Variants in SUN1 observed in about 807,000 individuals in gnomAD.
The protein encoded by SUN1 is Sad1 and UNC84 domain containing 1.
Under a neutral mutation model 103.2 loss-of-function variants are expected in SUN1, and 61 were observed. The ratio of observed to expected loss-of-function variants is 0.59; its 90% confidence interval spans 0.48 to 0.73. The LOEUF (loss-of-function observed/expected upper bound fraction) is 0.73. Among genes scored for constraint, SUN1 ranks in the 30% least tolerant of loss-of-function variants. The pLI is 0.00. For synonymous variants in SUN1, 490 were observed against 425.7 expected (o/e 1.15, Z -1.86); for missense variants, 1,052 against 1,034.6 (o/e 1.02, Z -0.23).
upstream of SUN1, among the ~76,000 whole-genome samples, chr7:828,876 A>T (rs966028409): frequency 1.3e-5 from 2 of 152,222 alleles, no homozygotes; most frequent in African/African-American, 4.8e-5. Flanking sequence ...TGAGCCGGCC[A>T]GCCTGAGAAC....
At chr7:823,418 T>C (rs1461856066) in intron 1 of SUN1, among the ~76,000 whole-genome samples, 1 of 151,806 alleles carries the variant, frequency 6.6e-6, no homozygotes, top group African/African-American at 2.4e-5. Flanking sequence ...GAGTTTGGGG[T>C]GTAACTAGAC....
intron 1 of SUN1, among the ~76,000 whole-genome samples, 171 bp downstream of exon 1, chr7:832,772 G>A (rs978569979): frequency 6.6e-6 from 1 of 152,148 alleles, no homozygotes; most frequent in African/African-American, 2.4e-5. Context: ...TTTTCTTACG[G>A]CTTTAAGGTA....
chr7:854,487 G>T (rs1019041786), intron 10 of SUN1, among the ~76,000 whole-genome samples: 1 of 152,258 alleles, frequency 6.6e-6, no homozygotes, highest in Non-Finnish European at 1.5e-5. Flanking sequence ...TGAGTGGCTG[G>T]TGCTGCCCTG....
At chr7:837,292 G>A (rs529640844) in intron 1 of SUN1, among the ~76,000 whole-genome samples, 2 of 152,312 alleles carry the variant, frequency 1.3e-5, no homozygotes, top group African/African-American at 4.8e-5. Flanking sequence ...TCTGAGCAGC[G>A]GTCTGAAGCA....
At chr7:865,663 A>G (rs1212454662) in intron 15 of SUN1, among the ~76,000 whole-genome samples, 1 of 152,152 alleles carries the variant, frequency 6.6e-6, no homozygotes, top group Non-Finnish European at 1.5e-5. Context: ...GGGGACCTCC[A>G]AACCACTCTC....
intron 1 of SUN1, chr7:817,356 G>C: frequency 6.7e-7 from 1 of 1,488,572 alleles, no homozygotes; most frequent in African/African-American, 1.4e-5. Flanking sequence ...GCCTGGAGGC[G>C]CGCGCGTGGT....
Position 852,699 on chromosome 7 carries a change from G to A in SUN1, c.910+32G>A, listed in dbSNP as rs201212334. On this transcript the variant is annotated intron_variant, in intron 8 of 18. Transcript: ENST00000401592. ...CAAATCTGGCTGAGTTGCCTCCGAT[G>A]GCTAAGCGGTACACACATATGTGTA... 201 of 1,614,168 alleles carry A rather than the reference G, an allele frequency of 1.2e-4. 1 individual carries two copies. The African/African-American group carries it at 2.1e-3, about 17-fold the overall frequency.
chr7:869,758 T>C (rs1168764193), intron 17 of SUN1, among the ~76,000 whole-genome samples: 1 of 152,102 alleles, frequency 6.6e-6, no homozygotes, highest in Non-Finnish European at 1.5e-5. Flanking sequence ...CGCCTAAGAA[T>C]TTTGCTCCTC....
intron 1 of SUN1, among the ~76,000 whole-genome samples, chr7:824,246 C>T (rs116084135): frequency 1.5e-3 from 229 of 152,312 alleles, no homozygotes; most frequent in African/African-American, 5.2e-3. Context: ...AGATGTTTCA[C>T]GTCACTGATA....
chr7:848,299 A>T lies in SUN1; in HGVS notation c.659-3085A>T. The T allele has an allele frequency of 2.2e-6, 2 of 901,252 alleles. 1 individual carries two copies. Among genetic ancestry groups the T allele is most frequent in the East Asian group, 1.1e-4 (2 of 18,238 alleles). The allele number at this position is 901,252 out of a possible 1,614,324, so 55.8% of individuals were successfully genotyped here. On this transcript the variant is annotated intron_variant, in intron 5 of 18. Coordinates refer to ENST00000401592, the MANE Select transcript of SUN1 (RefSeq NM_001130965.3). The stretch of plus-strand genomic sequence containing the variant: ...TGCCAGCTGGGCTCTTCCCCAAGTG[A>T]TTATCTTTGGTGTCCATTCTAAAAG...
At position 843,489 on chromosome 7, in the gene SUN1, G is replaced by A. The variant is rs370251394; in HGVS notation, c.627G>A (p.Ser209=). ...ACCCCGCGGCCCCCGGGCCCGTGTC[G>A]AGAGTTTATTCTAGGGACAGGAATC... ...TAHPAAPGPV[S]RVYSRDRNQK... is the part of the protein sequence containing the mutation. The change falls in exon 5 of 19, where the codon TCG becomes TCA. Residue 209 remains serine (S), a synonymous_variant. Transcript: ENST00000401592. 2.2e-5 allele frequency: 36 copies of A among 1,613,944 alleles called. No individual in the cohort carries two copies. The highest frequency in any genetic ancestry group is 1.3e-4 in the South Asian group (12 of 91,088).
At chr7:821,946 C>G (rs1283502303) in intron 1 of SUN1, among the ~76,000 whole-genome samples, 1 of 152,188 alleles carries the variant, frequency 6.6e-6, no homozygotes, top group African/African-American at 2.4e-5. Context: ...GTTGCCCTGC[C>G]AGAGGGTTGC....
At chr7:835,753 G>T (rs1234002040) in intron 1 of SUN1, among the ~76,000 whole-genome samples, 1 of 152,184 alleles carries the variant, frequency 6.6e-6, no homozygotes, top group Non-Finnish European at 1.5e-5. Context: ...TGACCCACCC[G>T]CAGTAAAATC....
chr7:840,180 C>A (rs1300094328), intron 2 of SUN1, among the ~76,000 whole-genome samples: 1 of 152,214 alleles, frequency 6.6e-6, no homozygotes, highest in Admixed American at 6.5e-5. Context: ...ACAGCCACTC[C>A]CAGCCGGTGG....
At chr7:865,930 C>G in intron 15 of SUN1, 22 bp from the exon 16 acceptor site, 1 of 1,607,464 alleles carries the variant, frequency 6.2e-7, no homozygotes, top group African/African-American at 1.3e-5. Flanking sequence ...GACACTGAGA[C>G]CGATCTGAAC....
chr7:817,506 G>A (rs2128109360), intron 1 of SUN1: 1 of 1,536,022 alleles, frequency 6.5e-7, no homozygotes, highest in East Asian at 2.4e-5. Context: ...ACAGGTGGGC[G>A]GTGCGGTCCG....
At position 861,368 on chromosome 7, in the gene SUN1, G is replaced by A. The variant is rs575910212; in HGVS notation, c.1780-12G>A. The A allele has an allele frequency of 3.5e-5, 56 of 1,614,080 alleles. 2 individuals are homozygous for A. The South Asian group carries it at 4.1e-4, about 12-fold the overall frequency. On this transcript the variant is annotated splice_polypyrimidine_tract_variant and intron_variant, in intron 14 of 18. Transcript: ENST00000401592. ...TCTGGTGTTTGGTCTTCCGTCCCTC[G>A]TGTCTGTCCAGCAAGCACGTGCCAT...
At chr7:840,510 A>G (rs1482893315) in intron 2 of SUN1, among the ~76,000 whole-genome samples, 6 of 152,174 alleles carry the variant, frequency 3.9e-5, no homozygotes, top group South Asian at 2.1e-4. Flanking sequence ...GAAGGGGAGG[A>G]TCTTGTTCAT....
At chr7:853,706 A>G in intron 10 of SUN1, 88 bp downstream of exon 10, 2 of 1,421,522 alleles carry the variant, frequency 1.4e-6, no homozygotes, top group African/African-American at 1.4e-5. Flanking sequence ...CAGAGGGGAC[A>G]GGAGAGGTGC....
Sources: allele counts gnomAD v4.1 joint callset (sites outside exome capture counted in the v4.1 genomes callset), GRCh38; gene constraint gnomAD v4.1.1; transcripts MANE v1.5; gene names NCBI Gene and HGNC (gene_info 2026-07-23, HGNC 2026-07-21).